The following MGAT5 variants were observed in gnomAD, a reference collection of about 807,000 sequenced individuals.
The protein encoded by MGAT5 is alpha-1,6-mannosylglycoprotein 6-beta-N-acetylglucosaminyltransferase A.
MGAT5 carries 30 observed loss-of-function variants against 94.3 expected under a neutral mutation model. The ratio of observed to expected loss-of-function variants is 0.32; its 90% CI spans 0.24 to 0.43. MGAT5 has a LOEUF of 0.43. Ranked by LOEUF, MGAT5 falls within the 20% of genes least tolerant of loss-of-function variation. MGAT5 has a pLI of 1.00. For synonymous variants in MGAT5, 310 were observed against 322.9 expected (o/e 0.96, Z 0.43); for missense variants, 691 against 905.5 (o/e 0.76, Z 3.04).
chr2:134,312,158 G>A (rs1361364670), intron 2 of MGAT5, among the ~76,000 whole-genome samples: 1 of 152,170 alleles, frequency 6.6e-6, no homozygotes, highest in African/African-American at 2.4e-5. Context: ...GCTGATGCAG[G>A]AGAATTGCTT....
At chr2:134,399,006 G>T (rs529126179) in intron 10 of MGAT5, among the ~76,000 whole-genome samples, 1 of 152,202 alleles carries the variant, frequency 6.6e-6, no homozygotes, top group Non-Finnish European at 1.5e-5. Flanking sequence ...GTAGACAAGG[G>T]TGACTATAGT....
intron 1 of MGAT5, among the ~76,000 whole-genome samples, chr2:134,223,290 C>T (rs1680883723): frequency 6.6e-6 from 1 of 152,138 alleles, no homozygotes; most frequent in Admixed American, 6.6e-5. Context: ...ACGTACCCAC[C>T]TTTTCTGCAT....
Position 134,184,349 on chromosome 2 carries a change from C to G in MGAT5, c.-143+64058C>G, listed in dbSNP as rs115054737. 3.6e-3 allele frequency among the ~76,000 whole-genome samples: 547 copies of G among 152,272 alleles called. 2 individuals carry two copies. The highest frequency in any genetic ancestry group is 0.012 in the African/African-American group (514 of 41,570). On this transcript the variant is annotated intron_variant, in intron 1 of 16. Coordinates refer to the MGAT5 transcript ENST00000409645. ...CCTCTCTAGACTTTCCTTGGCCTCT[C>G]CCTGCCTGTCTTTACATTCCAGCCT...
At chr2:134,165,739 C>A (rs938806795) in intron 1 of MGAT5, among the ~76,000 whole-genome samples, 1 of 151,854 alleles carries the variant, frequency 6.6e-6, no homozygotes, top group African/African-American at 2.4e-5. Flanking sequence ...GGTGCCACTG[C>A]ACTCCAGCCT....
rs943134801 is a variant in MGAT5 at position 134,376,498 on chromosome 2, A to G, written c.1380+14090A>G. On this transcript the variant is annotated intron_variant, in intron 10 of 15. Transcript: ENST00000281923. ...GGCAAATGAATCATTTAAACCAGTGACAATGTAAGTAACAACTTGAAGGAG... is the reference window on the plus strand; with the variant it reads ...GGCAAATGAATCATTTAAACCAGTGGCAATGTAAGTAACAACTTGAAGGAG... Among the ~76,000 whole-genome samples the G allele has an allele frequency of 2.0e-5, 3 of 152,236 alleles. No homozygotes were observed. The East Asian group carries it at 5.8e-4, about 29-fold the overall frequency.
intron 10 of MGAT5, among the ~76,000 whole-genome samples, chr2:134,387,421 A>G (rs1682100937): frequency 7.3e-6 from 1 of 137,330 alleles, no homozygotes; most frequent in Non-Finnish European, 1.5e-5. Context: ...TCCTGGTTCT[A>G]TCGGCTAACT....
chr2:134,347,555 C>T (rs191773173), intron 8 of MGAT5, among the ~76,000 whole-genome samples: 35 of 152,284 alleles, frequency 2.3e-4, no homozygotes, highest in Admixed American at 1.4e-3. Context: ...ATGAGTTCCA[C>T]ATCAACGGAT....
At chr2:134,223,959 G>A (rs973840845) in intron 1 of MGAT5, among the ~76,000 whole-genome samples, 2 of 152,122 alleles carry the variant, frequency 1.3e-5, no homozygotes, top group African/African-American at 4.8e-5. Flanking sequence ...CTGAATTTTG[G>A]AGAACTCAGG....
chr2:134,227,189 C>T (rs1296142563), intron 1 of MGAT5, among the ~76,000 whole-genome samples: 1 of 152,178 alleles, frequency 6.6e-6, no homozygotes, highest in Non-Finnish European at 1.5e-5. Context: ...CATACTCTTT[C>T]CCACTGAAAA....
intron 5 of MGAT5, 87 bp downstream of exon 5, chr2:134,336,375 C>T (rs1688331249): frequency 2.7e-6 from 3 of 1,112,198 alleles, no homozygotes; most frequent in Non-Finnish European, 4.0e-6. Flanking sequence ...GAAATGCCAA[C>T]TATAACCTGA....
chr2:134,280,712 C>T (rs556410967), intron 2 of MGAT5, among the ~76,000 whole-genome samples: 1 of 152,304 alleles, frequency 6.6e-6, no homozygotes, highest in East Asian at 1.9e-4. Flanking sequence ...CTGGATAAAC[C>T]CAGTCAGTTT....
chr2:134,255,062 C>T (rs1041186134), intron 1 of MGAT5, among the ~76,000 whole-genome samples: 3 of 152,104 alleles, frequency 2.0e-5, no homozygotes, highest in African/African-American at 7.2e-5. Flanking sequence ...TCTATGGAAG[C>T]CAGTAAACTT....
chr2:134,383,726 G>T (rs796809409), intron 10 of MGAT5, among the ~76,000 whole-genome samples: 15 of 147,202 alleles, frequency 1.0e-4, no homozygotes, highest in African/African-American at 3.8e-4. Context: ...TTTTTTTTGA[G>T]ACAGTCTCAC....
Position 134,318,731 on chromosome 2 carries a change from C to T in MGAT5, c.565C>T (p.Leu189Phe). The T allele has an allele frequency of 6.2e-7, 1 of 1,611,878 alleles. No homozygotes were observed. The highest frequency in any genetic ancestry group is 8.5e-7 in the Non-Finnish European group (1 of 1,178,210). ...DGSTCSFFIY[L>F]SEVENWCPHL... ...ATCCACCTGCTCTTTTTTTATTTAC[C>T]TCAGTGAGGTGAGTAGCTTTCTGTG... is the stretch of plus-strand genomic sequence containing the variant. Residue 189 changes from leucine to phenylalanine, a missense_variant, in exon 4 of 16, where the codon CTC becomes TTC. Leu to Phe is a conservative substitution (Grantham distance 22). Transcript: ENST00000281923.
intron 2 of MGAT5, among the ~76,000 whole-genome samples, chr2:134,312,214 A>T (rs1024756755): frequency 6.6e-6 from 1 of 152,224 alleles, no homozygotes; most frequent in Non-Finnish European, 1.5e-5. Context: ...AACCTAGGTG[A>T]CAGAGCCAGA....
At chr2:134,299,330 G>A (rs976507506) in intron 2 of MGAT5, among the ~76,000 whole-genome samples, 1 of 152,176 alleles carries the variant, frequency 6.6e-6, no homozygotes, top group African/African-American at 2.4e-5. Flanking sequence ...AGATTGTTCA[G>A]TATAGACTAA....
chr2:134,439,629 G>A (rs1179551073), intron 14 of MGAT5, among the ~76,000 whole-genome samples: 2 of 152,118 alleles, frequency 1.3e-5, no homozygotes, highest in Admixed American at 6.6e-5. Context: ...TCCAGGAGGC[G>A]GAGGTAGCAG....
chr2:134,387,332 A>ATATATATATATATAT, intron 10 of MGAT5, among the ~76,000 whole-genome samples: 4 of 24,252 alleles, frequency 1.6e-4, no homozygotes, highest in Non-Finnish European at 2.6e-4. Context: ...ATATATATAT[A>ATATATATATATATAT]TTTTTTTTTT....
chr2:134,215,211 G>T (rs925297017), intron 1 of MGAT5, among the ~76,000 whole-genome samples: 4 of 152,116 alleles, frequency 2.6e-5, no homozygotes, highest in African/African-American at 2.4e-5. Context: ...CAGCTACTAG[G>T]ATTAGTGCTT....
Sources: allele counts gnomAD v4.1 joint callset (sites outside exome capture counted in the v4.1 genomes callset), GRCh38; gene constraint gnomAD v4.1.1; transcripts MANE v1.5; gene names NCBI Gene and HGNC (gene_info 2026-07-23, HGNC 2026-07-21).